Variants in FRMD4A observed in about 807,000 individuals in gnomAD.
The protein encoded by FRMD4A is FERM domain containing 4A.
FRMD4A carries 29 observed loss-of-function variants against 129.1 expected under a neutral mutation model. That is an observed-to-expected ratio of 0.22 (90% CI 0.17 to 0.31). The LOEUF (loss-of-function observed/expected upper bound fraction) is 0.31. Ranked by LOEUF, FRMD4A falls within the 10% of genes least tolerant of loss-of-function variation. The pLI is 1.00. For missense variants in FRMD4A, 1,272 were observed against 1,375.8 expected (o/e 0.92, Z 1.19); for synonymous variants, 634 against 571.6 (o/e 1.11, Z -1.56).
chr10:14,137,161 C>T (rs866234067), intron 2 of FRMD4A, among the ~76,000 whole-genome samples: 1 of 152,220 alleles, frequency 6.6e-6, no homozygotes, highest in South Asian at 2.1e-4. Context: ...ACAGGAGTCT[C>T]CTCACTTCAG....
chr10:13,701,578 C>T (rs969929512), intron 13 of FRMD4A, 100 bp from the exon 14 acceptor site: 8 of 1,107,724 alleles, frequency 7.2e-6, no homozygotes, highest in Middle Eastern at 2.0e-4. Flanking sequence ...TCCTAGAAGC[C>T]CTGGCGTAAA....
chr10:13,764,900 C>T (rs1197237649), intron 6 of FRMD4A, among the ~76,000 whole-genome samples: 1 of 152,150 alleles, frequency 6.6e-6, no homozygotes, highest in African/African-American at 2.4e-5. Flanking sequence ...ACCACAGGGC[C>T]TTAATGGCAC....
chr10:14,027,750 C>T (rs1336933919), intron 2 of FRMD4A, among the ~76,000 whole-genome samples: 1 of 152,236 alleles, frequency 6.6e-6, no homozygotes, highest in African/African-American at 2.4e-5. Flanking sequence ...CTTACTCTAG[C>T]ACTGGGGCTC....
intron 2 of FRMD4A, chr10:13,972,198 G>T: frequency 2.0e-6 from 2 of 1,018,324 alleles, no homozygotes; most frequent in Non-Finnish European, 2.4e-6. Flanking sequence ...AAGCACCACC[G>T]AGTGTTGGGA....
intron 12 of FRMD4A, among the ~76,000 whole-genome samples, chr10:13,734,289 G>T (rs1248905821): frequency 6.6e-6 from 1 of 152,116 alleles, no homozygotes; most frequent in Non-Finnish European, 1.5e-5. Flanking sequence ...TCTTGTCCTG[G>T]GTTTTTCCTA....
intron 12 of FRMD4A, among the ~76,000 whole-genome samples, chr10:13,710,113 C>T (rs1470782409): frequency 6.6e-6 from 1 of 152,074 alleles, no homozygotes; most frequent in African/African-American, 2.4e-5. Context: ...CTGGCAGGCT[C>T]TGTGGGGTAA....
chr10:14,075,733 G>T (rs1424781222), intron 2 of FRMD4A, among the ~76,000 whole-genome samples: 4 of 111,136 alleles, frequency 3.6e-5, no homozygotes, highest in African/African-American at 1.4e-4. Flanking sequence ...TACATATAGT[G>T]TGTGTGTATA....
At chr10:14,127,948 T>C (rs1266796940) in intron 2 of FRMD4A, among the ~76,000 whole-genome samples, 8 of 18,822 alleles carry the variant, frequency 4.3e-4, no homozygotes, top group African/African-American at 2.1e-3. Context: ...CTTTCTTTCT[T>C]TCTTTCTTTC....
intron 2 of FRMD4A, among the ~76,000 whole-genome samples, chr10:13,939,986 T>C (rs992846280): frequency 6.6e-6 from 1 of 152,190 alleles, no homozygotes; most frequent in Non-Finnish European, 1.5e-5. Flanking sequence ...CGCAGCTCTT[T>C]GATTGAAATA....
intron 2 of FRMD4A, among the ~76,000 whole-genome samples, chr10:14,210,226 G>A (rs80197051): frequency 0.011 from 1,633 of 152,236 alleles, 27 homozygotes; most frequent in African/African-American, 0.038. Context: ...TAGTCCTCTT[G>A]TAAAATGGGC....
chr10:14,088,659 T>C (rs1485367976), intron 2 of FRMD4A, among the ~76,000 whole-genome samples: 1 of 151,150 alleles, frequency 6.6e-6, no homozygotes, highest in East Asian at 2.0e-4. Context: ...TCCCAGGTAC[T>C]TGGGAGGCTG....
At chr10:13,865,979 T>C (rs2094362388) in intron 2 of FRMD4A, among the ~76,000 whole-genome samples, 2 of 152,140 alleles carry the variant, frequency 1.3e-5, no homozygotes, top group Non-Finnish European at 2.9e-5. Context: ...CAAAACATTT[T>C]TTTAGTCTAG....
At chr10:14,195,787 T>C (rs1475056368) in intron 2 of FRMD4A, among the ~76,000 whole-genome samples, 2 of 152,178 alleles carry the variant, frequency 1.3e-5, no homozygotes, top group East Asian at 1.9e-4. Context: ...TTGGATCCAG[T>C]GTACTGTGGC....
Position 13,663,658 on chromosome 10 carries a change from GTTTCT to G in FRMD4A, c.1604-154_1604-150del, listed in dbSNP as rs1462680205. 8 of 622,380 alleles carry G rather than the reference GTTTCT, an allele frequency of 1.3e-5. No individual in the cohort carries two copies. The Admixed American group carries it at 1.6e-4, about 13-fold the overall frequency. The allele number at this position is 622,380 out of a possible 1,614,324, so 38.6% of individuals were successfully genotyped here. ...AGATACAATAAAAATGCTGTTGGGT[GTTTCT>G]TTTGTCAGTCCCCGTGGTGGGTCAT... On this transcript the variant is annotated intron_variant, in intron 18 of 24. Transcript: ENST00000357447.
chr10:14,068,183 T>G (rs1442029101), intron 2 of FRMD4A, among the ~76,000 whole-genome samples: 2 of 152,176 alleles, frequency 1.3e-5, no homozygotes, highest in South Asian at 2.1e-4. Context: ...GAAGTCAATC[T>G]TTTCCAGGCT....
At chr10:13,868,892 G>A (rs2094406858) in intron 2 of FRMD4A, among the ~76,000 whole-genome samples, 1 of 152,216 alleles carries the variant, frequency 6.6e-6, no homozygotes, top group Non-Finnish European at 1.5e-5. Flanking sequence ...AAGTTATTAA[G>A]TGAGTGGCTC....
rs1564320048 is a variant in FRMD4A, at chr10:14,128,052, CTTTCTTTCTTTCTTT to C, written c.45+201991_45+202005del. Among the ~76,000 whole-genome samples the C allele has an allele frequency of 2.0e-3, 59 of 29,436 alleles. 1 individual carries two copies. Among genetic ancestry groups the C allele is most frequent in the East Asian group, 7.2e-3 (3 of 414 alleles). 19.3% of individuals were successfully genotyped at this position (29,436 alleles called of 152,430 possible). A position where few individuals can be genotyped will look rare whatever the true frequency, so the allele number is the denominator to read the frequency against. On this transcript the variant is annotated intron_variant, in intron 2 of 24. Transcript: ENST00000357447. ...CCTTCCTTCCTTTCTTTCCCTCTTTCTTTCTTTCTTTCTTTCTTTCTTTCTTTCTTTCTTTCTTTC... is the reference window on the plus strand; with the variant it reads ...CCTTCCTTCCTTTCTTTCCCTCTTTCCTTTCTTTCTTTCTTTCTTTCTTTC...
At chr10:14,035,544 T>C (rs571275655) in intron 2 of FRMD4A, among the ~76,000 whole-genome samples, 1 of 152,074 alleles carries the variant, frequency 6.6e-6, no homozygotes, top group Admixed American at 6.6e-5. Flanking sequence ...GATAAAAATA[T>C]TGGGTTTTAA....
chr10:14,095,226 C>A (rs1043241172), intron 2 of FRMD4A, among the ~76,000 whole-genome samples: 1 of 152,128 alleles, frequency 6.6e-6, no homozygotes, highest in African/African-American at 2.4e-5. Context: ...AGACCACTGG[C>A]CATTCAGCTC....
Sources: allele counts gnomAD v4.1 joint callset (sites outside exome capture counted in the v4.1 genomes callset), GRCh38; gene constraint gnomAD v4.1.1; transcripts MANE v1.5; gene names NCBI Gene and HGNC (gene_info 2026-07-23, HGNC 2026-07-21).